ACACB: variants seen among roughly 807,000 people sequenced by gnomAD.
ACACB encodes the protein acetyl-CoA carboxylase beta.
Under a neutral mutation model 278.8 loss-of-function variants are expected in ACACB, and 209 were observed. The observed-to-expected ratio is 0.75, with a 90% confidence interval of 0.67 to 0.84. The LOEUF (loss-of-function observed/expected upper bound fraction) is 0.84. ACACB is among the 40% of genes least tolerant of loss of function. The pLI is 0.00. For synonymous variants in ACACB, 1,174 were observed against 1,285.6 expected, an observed-to-expected ratio of 0.91 and a Z score of 1.86; for missense variants, 2,850 against 3,269.0, an observed-to-expected ratio of 0.87 and a Z score of 3.13.
intron 11 of ACACB, among the ~76,000 whole-genome samples, chr12:109,185,161 G>A (rs2044610886): frequency 1.3e-5 from 2 of 152,148 alleles, no homozygotes; most frequent in South Asian, 4.1e-4. Flanking sequence ...ATTTGGTTAA[G>A]CTGGTTCCAT....
In ACACB at chr12:109,221,885, T is replaced by C. The variant is rs1040488405; in HGVS notation, c.3565-622T>C. ...GTGCCTGATAATCACTGACCTTTTT[T>C]TTTTTTTTTGGGGGGGAGACAGAGT... On this transcript the variant is annotated intron_variant, in intron 24 of 52. Transcript: ENST00000338432. Among the ~76,000 whole-genome samples, 5 of 143,800 alleles carry C rather than the reference T, an allele frequency of 3.5e-5. No homozygotes were observed. In the South Asian group the frequency reaches 8.5e-4, roughly 24 times the overall value. 94.3% of individuals were successfully genotyped at this position (143,800 alleles called of 152,430 possible). A position where few individuals can be genotyped will look rare whatever the true frequency, so the allele number is the denominator to read the frequency against.
chr12:109,142,233 A>G (rs2043140066), intron 2 of ACACB, among the ~76,000 whole-genome samples: 1 of 152,182 alleles, frequency 6.6e-6, no homozygotes, highest in Non-Finnish European at 1.5e-5. Flanking sequence ...TGGGCAACAG[A>G]GCAAGACTCT....
At chr12:109,216,291 G>A (rs539812555) in intron 22 of ACACB, among the ~76,000 whole-genome samples, 7 of 146,052 alleles carry the variant, frequency 4.8e-5, no homozygotes, top group Admixed American at 1.4e-4. Context: ...GTGCGATCTC[G>A]GCTCACTGCA....
chr12:109,117,576 G>A (rs1476863440), intron 1 of ACACB, among the ~76,000 whole-genome samples: 1 of 151,998 alleles, frequency 6.6e-6, no homozygotes, highest in South Asian at 2.1e-4. Flanking sequence ...GGTAGCCACT[G>A]TGCACATTTT....
intron 35 of ACACB, among the ~76,000 whole-genome samples, chr12:109,240,477 A>G (rs1396330538): frequency 6.6e-6 from 1 of 151,874 alleles, no homozygotes; most frequent in Admixed American, 6.6e-5. Flanking sequence ...GGCAACATGG[A>G]GAGACCCTAT....
chr12:109,264,239 T>G lies in ACACB; in HGVS notation c.6795T>G (p.Pro2265=), dbSNP rs752915941. 46 of 1,613,878 alleles carry G rather than the reference T, an allele frequency of 2.9e-5. No individual in the cohort carries two copies. Among genetic ancestry groups the G allele is most frequent in the Non-Finnish European group, 3.9e-5 (46 of 1,179,980 alleles). The change falls in exon 50 of 53, where the codon CCT becomes CCG. Residue 2265 remains proline, a synonymous_variant. Coordinates refer to ENST00000338432, the MANE Select transcript of ACACB (RefSeq NM_001093.4). The stretch of plus-strand genomic sequence containing the variant: ...CTTTCTGCTCACCTGCAGGGGAACC[T>G]GATCTCTCCGACAAGGACCGAAAGG... ...YKKLMEQLGE[P]DLSDKDRKDL...
At chr12:109,206,268 T>A (rs1404963620) in intron 19 of ACACB, among the ~76,000 whole-genome samples, 2 of 151,846 alleles carry the variant, frequency 1.3e-5, no homozygotes, top group African/African-American at 4.8e-5. Flanking sequence ...AACCTGTCTA[T>A]ACTAAAAATA....
intron 15 of ACACB, 95 bp downstream of exon 15, chr12:109,192,045 A>G (rs1202355814): frequency 5.4e-6 from 7 of 1,299,786 alleles, no homozygotes; most frequent in Non-Finnish European, 7.6e-6. Context: ...CCAGTTAGTC[A>G]CCAGGCAATT....
At position 109,252,068 on chromosome 12, in the gene ACACB, T is replaced by C. The variant is rs1297454252; in HGVS notation, c.5813T>C (p.Ile1938Thr). The change falls in exon 42 of 53, where the codon ATT (isoleucine) becomes ACT (threonine). Residue 1938 changes from isoleucine to threonine, a missense_variant. Ile to Thr is a moderately conservative substitution (Grantham distance 89). Transcript: ENST00000338432. Reference sequence around the variant, plus strand: ...CAGGTGACCTGCCGAGCCATTGGGATTGGGGCCTACTTGGTGAGGCTGGGC... The same window carrying C: ...CAGGTGACCTGCCGAGCCATTGGGACTGGGGCCTACTTGGTGAGGCTGGGC... Reference protein sequence around the residue: ...ISLVTCRAIGIGAYLVRLGQR... With the variant: ...ISLVTCRAIGTGAYLVRLGQR... 1.2e-6 allele frequency: 2 copies of C among 1,613,244 alleles called. No individual in the cohort carries two copies. Among genetic ancestry groups the C allele is most frequent in the Non-Finnish European group, 1.7e-6 (2 of 1,179,736 alleles).
At chr12:109,246,762 T>A (rs1004425655) in intron 39 of ACACB, among the ~76,000 whole-genome samples, 29 of 152,182 alleles carry the variant, frequency 1.9e-4, no homozygotes, top group African/African-American at 5.5e-4. Flanking sequence ...GAGGTGATTG[T>A]GTCAACTCCC....
At chr12:109,225,618 A>G (rs902278627) in intron 27 of ACACB, among the ~76,000 whole-genome samples, 18 of 152,248 alleles carry the variant, frequency 1.2e-4, no homozygotes, top group African/African-American at 4.3e-4. Flanking sequence ...ATGGAAAGCA[A>G]TTATGTCTGC....
intron 1 of ACACB, among the ~76,000 whole-genome samples, chr12:109,121,308 CT>C (rs2135939618): frequency 6.6e-6 from 1 of 152,284 alleles, no homozygotes; most frequent in East Asian, 1.9e-4. Context: ...CTAGTGTATA[CT>C]GGAGTTACAA....
At position 109,247,701 on chromosome 12, in the gene ACACB, C is replaced by T. The variant is rs774603797; in HGVS notation, c.5667C>T (p.Ser1889=). 3 of 1,611,606 alleles carry T rather than the reference C, an allele frequency of 1.9e-6. No individual in the cohort carries two copies. The highest frequency in any genetic ancestry group is 2.5e-6 in the Non-Finnish European group (3 of 1,178,118). Residue 1889 remains serine, a splice_region_variant and synonymous_variant, in exon 40 of 53, where the codon TCC becomes TCT. Transcript: ENST00000338432. The part of the protein sequence containing the change: ...HCKHIEEGGE[S]RYMITDIIGK... Reference sequence around the variant, plus strand: ...AACACATCGAGGAAGGAGGAGAGTCCAGGTAAATAACTTATCAGGTAGCTC... The same window carrying T: ...AACACATCGAGGAAGGAGGAGAGTCTAGGTAAATAACTTATCAGGTAGCTC...
At chr12:109,212,996 C>A in intron 22 of ACACB, 60 bp downstream of exon 22, 1 of 1,466,496 alleles carries the variant, frequency 6.8e-7, no homozygotes, top group Non-Finnish European at 9.5e-7. Context: ...ATGCATTGCA[C>A]CAGGGTGGTG....
At chr12:109,251,807 T>C (rs1219713473) in intron 41 of ACACB, among the ~76,000 whole-genome samples, 2 of 152,224 alleles carry the variant, frequency 1.3e-5, no homozygotes, top group African/African-American at 4.8e-5. Context: ...ATTCACTGTC[T>C]GCTGCTTGTC....
intron 21 of ACACB, among the ~76,000 whole-genome samples, chr12:109,209,857 G>A (rs1301386029): frequency 2.6e-4 from 35 of 132,076 alleles, no homozygotes; most frequent in Admixed American, 1.5e-4. Context: ...GTGTATATAT[G>A]TATATACACA....
intron 2 of ACACB, among the ~76,000 whole-genome samples, chr12:109,147,607 T>G (rs771745484): frequency 7.9e-5 from 12 of 152,090 alleles, no homozygotes; most frequent in Non-Finnish European, 1.5e-5. Context: ...CTCCCTACAC[T>G]GGAAGCAAGT....
intron 2 of ACACB, among the ~76,000 whole-genome samples, chr12:109,149,329 G>T (rs145908002): frequency 4.3e-4 from 66 of 152,210 alleles, no homozygotes; most frequent in African/African-American, 1.4e-3. Flanking sequence ...CCTTCTCAGG[G>T]GCCAGACTGG....
chr12:109,194,226 C>G (rs1450274672), intron 16 of ACACB, among the ~76,000 whole-genome samples: 1 of 151,950 alleles, frequency 6.6e-6, no homozygotes, highest in Admixed American at 6.6e-5. Flanking sequence ...AACGGAGCCT[C>G]ACTCTGTCAC....
Sources: gnomAD v4.1 joint callset for allele counts (sites outside exome capture counted in the v4.1 genomes callset) on GRCh38, gnomAD v4.1.1 for gene constraint, MANE v1.5 for transcripts, NCBI Gene and HGNC (gene_info 2026-07-23, HGNC 2026-07-21) for gene names.